FCHSD2: variants seen among roughly 807,000 people sequenced by gnomAD.
FCHSD2 encodes F-BAR and double SH3 domains protein 2.
FCHSD2 carries 38 observed loss-of-function variants against 108.1 expected under a neutral mutation model. The ratio of observed to expected loss-of-function variants is 0.35; its 90% CI spans 0.27 to 0.46. The LOEUF is 0.46. Ranked by LOEUF, FCHSD2 falls within the 20% of genes least tolerant of loss-of-function variation. The pLI is 1.00. For missense variants in FCHSD2, 751 were observed against 897.8 expected, an observed-to-expected ratio of 0.84 and a Z score of 2.09; for synonymous variants, 279 against 314.7, an observed-to-expected ratio of 0.89 and a Z score of 1.20.
At chr11:73,017,439 ACTACCTG>A (rs1857998521) in intron 3 of FCHSD2, among the ~76,000 whole-genome samples, 1 of 152,168 alleles carries the variant, frequency 6.6e-6, no homozygotes, top group African/African-American at 2.4e-5. Flanking sequence ...CTATTAATCA[ACTACCTG>A]CTTGAGGCAA....
intron 8 of FCHSD2, among the ~76,000 whole-genome samples, chr11:72,947,649 A>G (rs1054596079): frequency 6.6e-6 from 1 of 152,206 alleles, no homozygotes; most frequent in Non-Finnish European, 1.5e-5. Context: ...TTCTGTTGGA[A>G]CAGCCCTTAC....
intron 13 of FCHSD2, among the ~76,000 whole-genome samples, chr11:72,859,619 G>T (rs879842884): frequency 9.9e-5 from 15 of 152,146 alleles, no homozygotes; most frequent in Non-Finnish European, 2.1e-4. Flanking sequence ...TGCACTGGAG[G>T]TCTTGAAATA....
intron 12 of FCHSD2, among the ~76,000 whole-genome samples, chr11:72,883,723 G>A (rs975303677): frequency 2.0e-5 from 3 of 152,092 alleles, no homozygotes; most frequent in East Asian, 1.9e-4. Flanking sequence ...CTTGACCCAC[G>A]AGTTTGAGAC....
chr11:73,139,421 C>A (rs964340109), intron 2 of FCHSD2, among the ~76,000 whole-genome samples: 4 of 152,186 alleles, frequency 2.6e-5, no homozygotes, highest in African/African-American at 9.7e-5. Flanking sequence ...GTATTTCTTT[C>A]ATTAAAATAA....
chr11:73,100,756 T>C (rs1444213895), intron 2 of FCHSD2, among the ~76,000 whole-genome samples: 1 of 152,230 alleles, frequency 6.6e-6, no homozygotes, highest in African/African-American at 2.4e-5. Flanking sequence ...TGTGGTAATG[T>C]TGAAATTCGA....
chr11:72,870,317 A>T (rs1854825899), intron 12 of FCHSD2, among the ~76,000 whole-genome samples: 2 of 152,186 alleles, frequency 1.3e-5, no homozygotes, highest in African/African-American at 4.8e-5. Context: ...CCTGTTTGAT[A>T]TAATTGGGGG....
intron 8 of FCHSD2, among the ~76,000 whole-genome samples, chr11:72,967,778 C>T (rs1381034196): frequency 6.6e-6 from 1 of 152,044 alleles, no homozygotes; most frequent in Non-Finnish European, 1.5e-5. Flanking sequence ...TGAATTATAT[C>T]TAATTTTTTT....
rs139333874 is a variant in FCHSD2, at chr11:72,978,960, G to A, written c.705+5128C>T. Among the ~76,000 whole-genome samples the A allele has an allele frequency of 2.8e-3, 426 of 149,756 alleles. 14 individuals carry two copies. The East Asian group carries it at 0.074, about 26-fold the overall frequency. ...CAACCTCCACCTCTCAGGTTCAAGC[G>A]ATTCTCGTGCCTCAGCCTCCCTGAG... On this transcript the variant is annotated intron_variant, in intron 8 of 19. Transcript: ENST00000409418.
At chr11:73,129,153 G>A (rs548122420) in intron 2 of FCHSD2, among the ~76,000 whole-genome samples, 2 of 152,310 alleles carry the variant, frequency 1.3e-5, no homozygotes, top group Non-Finnish European at 2.9e-5. Flanking sequence ...TTACAGGCAT[G>A]AGCCACCGCG....
intron 10 of FCHSD2, among the ~76,000 whole-genome samples, chr11:72,902,126 C>A (rs1403914145): frequency 6.6e-6 from 1 of 152,210 alleles, no homozygotes; most frequent in Non-Finnish European, 1.5e-5. Context: ...CCACCTGCCT[C>A]GGCCTCCCAA....
At chr11:72,899,893 T>C (rs1855492764) in intron 10 of FCHSD2, among the ~76,000 whole-genome samples, 2 of 152,138 alleles carry the variant, frequency 1.3e-5, no homozygotes, top group South Asian at 4.1e-4. Context: ...ACAGCAGACA[T>C]AACATTACTA....
At chr11:73,131,361 C>CA (rs55755311) in intron 2 of FCHSD2, among the ~76,000 whole-genome samples, 28,099 of 101,190 alleles carry the variant, frequency 0.28, 3,403 homozygotes, top group Middle Eastern at 0.38. Flanking sequence ...ACTAAAAGTA[C>CA]AAAAAAAAAA....
At position 72,971,648 on chromosome 11, in the gene FCHSD2, A is replaced by G. The variant is rs1235251645; in HGVS notation, c.705+12440T>C. 3.3e-5 allele frequency among the ~76,000 whole-genome samples: 5 copies of G among 152,264 alleles called. No individual in the cohort carries two copies. The South Asian group carries it at 8.3e-4, about 25-fold the overall frequency. On this transcript the variant is annotated intron_variant, in intron 8 of 19. Transcript: ENST00000409418. ...CAAGAAAACAGAGTTAAGTCCTACA[A>G]CCAGAAGGAACTGGGTTTTGCCAAC... is the stretch of plus-strand genomic sequence containing the variant.
At chr11:73,057,005 C>A (rs1859041257) in intron 3 of FCHSD2, among the ~76,000 whole-genome samples, 2 of 152,048 alleles carry the variant, frequency 1.3e-5, no homozygotes, top group African/African-American at 4.8e-5. Context: ...ATGGCGTGAA[C>A]CCAGGAGGCG....
chr11:72,931,371 T>C (rs1170726713), intron 8 of FCHSD2, among the ~76,000 whole-genome samples: 2 of 148,944 alleles, frequency 1.3e-5, no homozygotes, highest in African/African-American at 2.4e-5. Flanking sequence ...CCTCCTAAAG[T>C]GCTGGGACTA....
intron 9 of FCHSD2, among the ~76,000 whole-genome samples, chr11:72,917,519 G>A (rs2135304929): frequency 6.6e-6 from 1 of 152,314 alleles, no homozygotes; most frequent in East Asian, 1.9e-4. Flanking sequence ...ATTGGGAAGT[G>A]TGAGTCCTCC....
chr11:72,838,789 C>CATCA lies in FCHSD2; in HGVS notation c.2221_*1dup. ...AGCAGTAATGGATGGGCAAGCCCAT[C>CATCA]ATCACACCAGTGTGATTTCCACATC... On this transcript the variant is annotated 3_prime_UTR_variant, in exon 20 of 20. Coordinates refer to ENST00000409418, the MANE Select transcript of FCHSD2 (RefSeq NM_014824.3). 1 of 1,596,538 alleles carries CATCA rather than the reference C, an allele frequency of 6.3e-7. No individual in the cohort carries two copies.
At chr11:72,977,522 A>G (rs1857125644) in intron 8 of FCHSD2, among the ~76,000 whole-genome samples, 1 of 152,246 alleles carries the variant, frequency 6.6e-6, no homozygotes, top group Admixed American at 6.5e-5. Context: ...TTTTAAAATG[A>G]GCAAAAGCAT....
rs189283796 is a variant in FCHSD2, at chr11:72,917,048, G to A, written c.828+4780C>T. On this transcript the variant is annotated intron_variant, in intron 9 of 19. Coordinates refer to ENST00000409418, the MANE Select transcript of FCHSD2 (RefSeq NM_014824.3). ...CGCCCAGGCTGGAGTGCAGTGGTACGATCTCAGCTCACTGCAACCTCCACC... is the reference window on the plus strand; with the variant it reads ...CGCCCAGGCTGGAGTGCAGTGGTACAATCTCAGCTCACTGCAACCTCCACC... 1.5e-3 allele frequency among the ~76,000 whole-genome samples: 212 copies of A among 145,008 alleles called. 1 individual carries two copies. The Middle Eastern group carries it at 0.023, about 15-fold the overall frequency.
Sources: gnomAD v4.1 joint callset for allele counts (sites outside exome capture counted in the v4.1 genomes callset) on GRCh38, gnomAD v4.1.1 for gene constraint, MANE v1.5 for transcripts, NCBI Gene and HGNC (gene_info 2026-07-23, HGNC 2026-07-21) for gene names.